Variants in CARD8 observed in about 807,000 individuals in gnomAD.
CARD8 encodes caspase recruitment domain family member 8.
A neutral mutation model predicts 53.2 loss-of-function variants in CARD8; 38 were observed. The ratio of observed to expected loss-of-function variants is 0.71; its 90% CI spans 0.55 to 0.94. The LOEUF (loss-of-function observed/expected upper bound fraction) is 0.94, where lower values mean the gene tolerates loss of function less well. Ranked by LOEUF, CARD8 falls within the 40% of genes least tolerant of loss-of-function variation. The pLI is 0.00. For synonymous variants in CARD8, 245 were observed against 244.9 expected (o/e 1.00, Z 0.00); for missense variants, 561 against 655.5 (o/e 0.86, Z 1.57).
intron 1 of CARD8, among the ~76,000 whole-genome samples, chr19:48,252,010 T>A (rs16981882): frequency 6.8e-4 from 103 of 151,928 alleles, no homozygotes; most frequent in East Asian, 1.9e-4. Flanking sequence ...TGAGAAAAAA[T>A]CAAGACTAGA....
At position 48,225,809 on chromosome 19, in the gene CARD8, T is replaced by C. The variant is rs181309587; in HGVS notation, c.1036-3954A>G. Among the ~76,000 whole-genome samples the C allele has an allele frequency of 3.7e-3, 570 of 152,066 alleles. 3 individuals carry two copies. Among genetic ancestry groups the C allele is most frequent in the African/African-American group, 0.013 (542 of 41,494 alleles). Reference sequence around the variant, plus strand: ...GGCTCACACCTGTAATCTCAGCACTTTGGGAGGCTGAGGCGGGTGGATCAC... The same window carrying C: ...GGCTCACACCTGTAATCTCAGCACTCTGGGAGGCTGAGGCGGGTGGATCAC... On this transcript the variant is annotated intron_variant, in intron 10 of 13. Coordinates refer to ENST00000651546, the MANE Select transcript of CARD8 (RefSeq NM_001184900.3).
chr19:48,231,297 T>C (rs1225348521), intron 8 of CARD8, among the ~76,000 whole-genome samples: 1 of 152,110 alleles, frequency 6.6e-6, no homozygotes, highest in Non-Finnish European at 1.5e-5. Context: ...CTTTTGTATT[T>C]ATATTTTTAT....
chr19:48,215,188 A>T, intron 13 of CARD8, 152 bp downstream of exon 13: 1 of 586,428 alleles, frequency 1.7e-6, no homozygotes, highest in East Asian at 3.0e-5. Context: ...TCTGTCTTCT[A>T]AGGAGGCAAG....
intron 1 of CARD8, among the ~76,000 whole-genome samples, chr19:48,252,848 C>T (rs1033120568): frequency 6.6e-6 from 1 of 150,408 alleles, no homozygotes; most frequent in African/African-American, 2.4e-5. Context: ...TATGTGTATA[C>T]ATATACAACT....
chr19:48,218,583 A>G (rs2039851784), intron 12 of CARD8, among the ~76,000 whole-genome samples: 2 of 151,828 alleles, frequency 1.3e-5, no homozygotes, highest in Admixed American at 1.3e-4. Context: ...CGAACTCCCG[A>G]CCTTAGGTGA....
chr19:48,214,737 C>T (rs956081631), intron 13 of CARD8, among the ~76,000 whole-genome samples: 3 of 136,520 alleles, frequency 2.2e-5, no homozygotes, highest in African/African-American at 8.3e-5. Flanking sequence ...TCCAAGTGTA[C>T]TTTCCTCCTT....
At chr19:48,216,146 A>AT (rs1157774748) in intron 12 of CARD8, among the ~76,000 whole-genome samples, 2 of 151,956 alleles carry the variant, frequency 1.3e-5, no homozygotes, top group African/African-American at 4.8e-5. Context: ...ATCAAAAAAA[A>AT]AAAAGCATGA....
At chr19:48,221,673 G>A in intron 11 of CARD8, 57 bp downstream of exon 11, 1 of 1,306,344 alleles carries the variant, frequency 7.7e-7, no homozygotes, top group Middle Eastern at 2.0e-4. Flanking sequence ...TCTTCCATTT[G>A]TTTCAGAAAT....
intron 1 of CARD8, among the ~76,000 whole-genome samples, 195 bp from the exon 2 acceptor site, chr19:48,250,042 AT>A (rs1432497767): frequency 4.6e-5 from 7 of 152,184 alleles, no homozygotes; most frequent in Admixed American, 1.3e-4. Context: ...TGTAATAATA[AT>A]TTTTATACCA....
chr19:48,230,965 G>A lies in CARD8; in HGVS notation c.584C>T (p.Thr195Ile), dbSNP rs768449522. The A allele has an allele frequency of 1.2e-5, 20 of 1,614,190 alleles. No homozygotes were observed. The South Asian group carries it at 2.2e-4, about 18-fold the overall frequency. ...ATCCCTTACCAGGAAGCCGAGGCCT[G>A]TGGCTGACCACAGATACCAGCCAGC... ...PTAGWYLWSA[T>I]GLGFLVRDEV... Residue 195 changes from threonine (T) to isoleucine (I), a missense_variant, in exon 9 of 14, where the codon ACA becomes ATA. Transcript: ENST00000651546.
chr19:48,231,123 T>A (rs1458294297), intron 8 of CARD8, 117 bp from the exon 9 acceptor site: 13 of 753,626 alleles, frequency 1.7e-5, no homozygotes, highest in Non-Finnish European at 2.5e-5. Context: ...CATCTGCGAC[T>A]TTCACTACAT....
Position 48,211,478 on chromosome 19 carries a change from GA to G in CARD8, c.*231del. 1 of 488,640 alleles carries G rather than the reference GA, an allele frequency of 2.0e-6. No individual in the cohort carries two copies. The highest frequency in any genetic ancestry group is 3.6e-6 in the Non-Finnish European group (1 of 275,560). The allele number at this position is 488,640 out of a possible 1,614,324, so 30.3% of individuals were successfully genotyped here. On this transcript the variant is annotated 3_prime_UTR_variant, in exon 14 of 14. Coordinates refer to ENST00000651546, the MANE Select transcript of CARD8 (RefSeq NM_001184900.3). ...ATAGTGATATATCAAGCAATGGTTG[GA>G]AAAAATTTAAAAGGAATATTACTAC...
intron 10 of CARD8, among the ~76,000 whole-genome samples, chr19:48,229,102 A>G (rs1360434894): frequency 6.6e-6 from 1 of 152,154 alleles, no homozygotes; most frequent in African/African-American, 2.4e-5. Flanking sequence ...TTGCCACTGC[A>G]TTCTAGCCTG....
chr19:48,246,728 G>T (rs187414335), intron 3 of CARD8, among the ~76,000 whole-genome samples: 1 of 152,252 alleles, frequency 6.6e-6, no homozygotes, highest in East Asian at 1.9e-4. Flanking sequence ...AAAACACCAT[G>T]CTGAATGAAG....
Position 48,211,695 on chromosome 19 carries a change from CCTAA to C in CARD8, c.*11_*14del, listed in dbSNP as rs760025108. On this transcript the variant is annotated 3_prime_UTR_variant, in exon 14 of 14. Transcript: ENST00000651546. ...ACGCTGGATTCTCTCTTCCAGACTA[CCTAA>C]CTGACTCATTTTACAAATTCTGCTG... 6.2e-6 allele frequency: 10 copies of C among 1,611,354 alleles called. No individual in the cohort carries two copies. The highest frequency in any genetic ancestry group is 1.3e-5 in the African/African-American group (1 of 74,776).
Position 48,209,323 on chromosome 19 carries a change from A to G in CARD8, c.*2387T>C, listed in dbSNP as rs1479030893. The G allele has an allele frequency of 1.3e-5, 2 of 152,156 alleles. No individual in the cohort carries two copies. Among genetic ancestry groups the G allele is most frequent in the Non-Finnish European group, 2.9e-5 (2 of 68,044 alleles). The allele number at this position is 152,156 out of a possible 1,614,324, so 9.4% of individuals were successfully genotyped here. A position where few individuals can be genotyped will look rare whatever the true frequency, so the allele number is the denominator to read the frequency against. The stretch of plus-strand genomic sequence containing the variant: ...AAAAAAAAAAAGCTCAAACAAGCAA[A>G]TGCTGACACATTTGCAGGAAAATAG... On this transcript the variant is annotated 3_prime_UTR_variant, in exon 14 of 14. Coordinates refer to ENST00000651546, the MANE Select transcript of CARD8 (RefSeq NM_001184900.3).
At chr19:48,204,190 G>A (rs1216382070), downstream of CARD8, 2 of 455,860 alleles carry the variant, frequency 4.4e-6, no homozygotes, top group Non-Finnish European at 8.8e-6. Context: ...CCATGGTTAC[G>A]AGCCGCTCAG....
chr19:48,206,175 G>A (rs1028360119), downstream of CARD8, among the ~76,000 whole-genome samples: 7 of 152,288 alleles, frequency 4.6e-5, no homozygotes, highest in Admixed American at 4.6e-4. Context: ...TGGGATTACA[G>A]CCGTGAGCCA....
downstream of CARD8, among the ~76,000 whole-genome samples, chr19:48,207,165 C>CAAAA (rs71334273): frequency 1.2e-5 from 1 of 81,798 alleles, no homozygotes; most frequent in African/African-American, 4.9e-5. Context: ...GACTCTGTCT[C>CAAAA]AAAAAAAAAA....
Sources: allele counts gnomAD v4.1 joint callset (sites outside exome capture counted in the v4.1 genomes callset), GRCh38; gene constraint gnomAD v4.1.1; transcripts MANE v1.5; gene names NCBI Gene and HGNC (gene_info 2026-07-23, HGNC 2026-07-21).